ATP8A2: variants seen among roughly 807,000 people sequenced by gnomAD.
ATP8A2 encodes the protein ATPase phospholipid transporting 8A2, also known as phospholipid-transporting ATPase IB.
Under a neutral mutation model 165.6 loss-of-function variants are expected in ATP8A2, and 100 were observed. That is an observed-to-expected ratio of 0.60 (90% CI 0.51 to 0.71). The LOEUF (loss-of-function observed/expected upper bound fraction) is 0.71. Among genes scored for constraint, ATP8A2 ranks in the 30% least tolerant of loss-of-function variants. ATP8A2 has a pLI of 0.00. For synonymous variants in ATP8A2, 543 were observed against 548.8 expected, an observed-to-expected ratio of 0.99 and a Z score of 0.15; for missense variants, 1,227 against 1,479.5, an observed-to-expected ratio of 0.83 and a Z score of 2.80.
At chr13:25,897,392 C>T (rs1156264901) in intron 33 of ATP8A2, among the ~76,000 whole-genome samples, 1 of 152,120 alleles carries the variant, frequency 6.6e-6, no homozygotes, top group South Asian at 2.1e-4. Context: ...GAGTTTCTGC[C>T]GAGACATCAG....
At chr13:25,446,835 A>G (rs915673112) in intron 1 of ATP8A2, among the ~76,000 whole-genome samples, 3 of 144,718 alleles carry the variant, frequency 2.1e-5, no homozygotes, top group African/African-American at 7.7e-5. Context: ...TTTGATTTTT[A>G]TAAACCTAGG....
intron 35 of ATP8A2, among the ~76,000 whole-genome samples, chr13:25,974,824 G>A (rs942758491): frequency 6.6e-6 from 1 of 152,006 alleles, no homozygotes; most frequent in Admixed American, 6.6e-5. Flanking sequence ...CCCAGCATCT[G>A]CACAGTCATC....
At chr13:25,962,828 G>T (rs191961153) in intron 34 of ATP8A2, among the ~76,000 whole-genome samples, 1 of 152,020 alleles carries the variant, frequency 6.6e-6, no homozygotes, top group East Asian at 1.9e-4. Flanking sequence ...CCTCATTTTG[G>T]CATTATCTTG....
At chr13:25,534,113 G>A (rs2038203123) in intron 6 of ATP8A2, 2 of 508,044 alleles carry the variant, frequency 3.9e-6, no homozygotes, top group Admixed American at 2.1e-5. Context: ...TTTTATATCT[G>A]AAAAATGCCC....
intron 2 of ATP8A2, among the ~76,000 whole-genome samples, chr13:25,515,085 A>C (rs1301144264): frequency 6.6e-6 from 1 of 152,202 alleles, no homozygotes; most frequent in Non-Finnish European, 1.5e-5. Context: ...CCTGACCAGA[A>C]CAACCCTCTG....
chr13:26,019,715 C>T (rs1161464664), intron 36 of ATP8A2, among the ~76,000 whole-genome samples, 173 bp from the exon 37 acceptor site: 4 of 152,202 alleles, frequency 2.6e-5, no homozygotes, highest in Non-Finnish European at 5.9e-5. Context: ...ACGGCCGCCA[C>T]GGCCCCTCTA....
At chr13:25,798,598 A>T (rs943270037) in intron 27 of ATP8A2, among the ~76,000 whole-genome samples, 10 of 152,336 alleles carry the variant, frequency 6.6e-5, no homozygotes, top group Non-Finnish European at 1.3e-4. Flanking sequence ...ATAATTTCAA[A>T]TTGCTGTGCA....
chr13:25,556,476 G>C (rs1011703158), intron 13 of ATP8A2, among the ~76,000 whole-genome samples: 2 of 152,058 alleles, frequency 1.3e-5, no homozygotes, highest in Non-Finnish European at 2.9e-5. Flanking sequence ...GTTTTTGCTT[G>C]TTCAGTTGTT....
chr13:25,990,122 C>T (rs976126358), intron 35 of ATP8A2, among the ~76,000 whole-genome samples: 1 of 152,174 alleles, frequency 6.6e-6, no homozygotes. Context: ...CTTGCCATTT[C>T]CATCTTTGTC....
At chr13:25,485,294 G>T (rs2036317126) in intron 2 of ATP8A2, among the ~76,000 whole-genome samples, 1 of 152,208 alleles carries the variant, frequency 6.6e-6, no homozygotes, top group Admixed American at 6.5e-5. Context: ...GCGTGTGTGT[G>T]TGTATGTTGG....
chr13:25,846,792 A>G (rs569146005), intron 30 of ATP8A2, among the ~76,000 whole-genome samples: 1 of 152,208 alleles, frequency 6.6e-6, no homozygotes, highest in Non-Finnish European at 1.5e-5. Flanking sequence ...AGAAAAGTGG[A>G]TGGGTTGGAG....
At chr13:25,945,745 G>A (rs903202522) in intron 33 of ATP8A2, among the ~76,000 whole-genome samples, 5 of 152,176 alleles carry the variant, frequency 3.3e-5, no homozygotes, top group Non-Finnish European at 5.9e-5. Context: ...AGGGGTCCCC[G>A]GATTTTTCTG....
Position 25,553,909 on chromosome 13 carries a change from T to C in ATP8A2, c.1174T>C (p.Phe392Leu), listed in dbSNP as rs772924771. ...LEVVKYTQAL[F>L]INWDTDMYYI... is the part of the protein sequence containing the mutation. ...GGTTGTGAAGTATACTCAAGCCCTTTTCATAAACTGGGTGAGTATTAAAGC... is the reference window on the plus strand; with the variant it reads ...GGTTGTGAAGTATACTCAAGCCCTTCTCATAAACTGGGTGAGTATTAAAGC... Residue 392 changes from phenylalanine to leucine, a missense_variant, in exon 12 of 37, where the codon TTC (phenylalanine) becomes CTC (leucine). By Grantham distance (22) the Phe-to-Leu change is conservative. Coordinates refer to ENST00000381655, the MANE Select transcript of ATP8A2 (RefSeq NM_016529.6). 1 of 1,613,226 alleles carries C rather than the reference T, an allele frequency of 6.2e-7. No homozygotes were observed. Among genetic ancestry groups the C allele is most frequent in the Admixed American group, 1.7e-5 (1 of 59,886 alleles).
chr13:25,376,481 T>A (rs527830144), intron 1 of ATP8A2, among the ~76,000 whole-genome samples: 1 of 152,348 alleles, frequency 6.6e-6, no homozygotes, highest in Non-Finnish European at 1.5e-5. Flanking sequence ...TAAAGAGAAT[T>A]GAATTCAGGT....
At chr13:25,421,808 G>T (rs1211251684) in intron 1 of ATP8A2, among the ~76,000 whole-genome samples, 3 of 152,236 alleles carry the variant, frequency 2.0e-5, no homozygotes, top group Admixed American at 2.0e-4. Flanking sequence ...AATTGCTGCA[G>T]ATGAAGCAAC....
At chr13:25,405,476 C>T (rs920483483) in intron 1 of ATP8A2, among the ~76,000 whole-genome samples, 1 of 152,082 alleles carries the variant, frequency 6.6e-6, no homozygotes, top group African/African-American at 2.4e-5. Flanking sequence ...GAGTATGGCC[C>T]ACGTATCTCA....
chr13:25,409,863 G>A (rs1471288035), intron 1 of ATP8A2, among the ~76,000 whole-genome samples: 1 of 151,986 alleles, frequency 6.6e-6, no homozygotes, highest in African/African-American at 2.4e-5. Context: ...TATCAGAAAT[G>A]AGATGAAATG....
intron 2 of ATP8A2, among the ~76,000 whole-genome samples, chr13:25,526,571 T>C (rs550489686): frequency 6.6e-6 from 1 of 152,260 alleles, no homozygotes; most frequent in Admixed American, 6.5e-5. Context: ...TAATAAACAA[T>C]TGGAGCACTG....
At chr13:25,507,219 T>TGTG (rs2037073143) in intron 2 of ATP8A2, among the ~76,000 whole-genome samples, 1 of 126,936 alleles carries the variant, frequency 7.9e-6, no homozygotes, top group East Asian at 2.2e-4. Context: ...GTACCATTCT[T>TGTG]TGTGTGTGTG....
Sources: allele counts gnomAD v4.1 joint callset (sites outside exome capture counted in the v4.1 genomes callset), GRCh38; gene constraint gnomAD v4.1.1; transcripts MANE v1.5; gene names NCBI Gene and HGNC (gene_info 2026-07-23, HGNC 2026-07-21).